The following ST6GALNAC6 variants were observed in gnomAD, a reference collection of about 807,000 sequenced individuals.
ST6GALNAC6 encodes the protein alpha-N-acetylgalactosaminide alpha-2,6-sialyltransferase 6.
ST6GALNAC6 carries 19 observed loss-of-function variants against 34.3 expected under a neutral mutation model. The ratio of observed to expected loss-of-function variants is 0.55; its 90% confidence interval spans 0.39 to 0.81. The LOEUF (loss-of-function observed/expected upper bound fraction) is 0.81, where lower values mean the gene tolerates loss of function less well. ST6GALNAC6 is among the 40% of genes least tolerant of loss of function. ST6GALNAC6 has a pLI of 0.00. For missense variants in ST6GALNAC6, 377 were observed against 467.7 expected (o/e 0.81, Z 1.79); for synonymous variants, 185 against 182.1 (o/e 1.02, Z -0.13).
At chr9:127,905,146 A>C (rs1830885364) in intron 1 of ST6GALNAC6, 14 of 916,904 alleles carry the variant, frequency 1.5e-5, no homozygotes, top group Non-Finnish European at 1.8e-5. Flanking sequence ...AGAGGCCCAA[A>C]GAGTGGCTGC....
rs1829708725 is a variant in ST6GALNAC6 at position 127,885,569 on chromosome 9, G to C, written c.*1030C>G. 1 of 152,336 alleles carries C rather than the reference G, an allele frequency of 6.6e-6. No homozygotes were observed. Among genetic ancestry groups the C allele is most frequent in the Admixed American group, 6.5e-5 (1 of 15,278 alleles). 9.4% of individuals were successfully genotyped at this position (152,336 alleles called of 1,614,324 possible). On this transcript the variant is annotated 3_prime_UTR_variant, in exon 7 of 7. Coordinates refer to ENST00000373146, the MANE Select transcript of ST6GALNAC6 (RefSeq NM_013443.5). ...TACAGAGCCAGGGGACAGAACCCAG[G>C]TGATACAGCTCCCGACAGCCATCCC...
At chr9:127,899,821 C>A (rs73606473), upstream of ST6GALNAC6, among the ~76,000 whole-genome samples, 4,393 of 152,308 alleles carry the variant, frequency 0.029, 233 homozygotes, top group African/African-American at 0.1. Flanking sequence ...AGCCTTTCGG[C>A]TCCCTGCAGT....
At position 127,890,889 on chromosome 9, in the gene ST6GALNAC6, G is replaced by A; in HGVS notation, c.452C>T (p.Thr151Ile). The A allele has an allele frequency of 1.2e-6, 2 of 1,614,188 alleles. No homozygotes were observed. Among genetic ancestry groups the A allele is most frequent in the East Asian group, 2.2e-5 (1 of 44,882 alleles). Residue 151 changes from threonine (T) to isoleucine (I), a missense_variant, in exon 5 of 7, where the codon ACC (threonine) becomes ATC (isoleucine). Coordinates refer to ENST00000373146, the MANE Select transcript of ST6GALNAC6 (RefSeq NM_013443.5). The surrounding 1 kb of genome is among the most constrained non-coding windows in gnomAD (Gnocchi z 4.3). ...GGAATGGGCCACGACGCGGTAGGTGGTCTTGTTGCCCACATCAGCTGAGTA... is the reference window on the plus strand; with the variant it reads ...GGAATGGGCCACGACGCGGTAGGTGATCTTGTTGCCCACATCAGCTGAGTA... ...TGYSADVGNKTTYRVVAHSSV... is the reference protein window; with the variant it reads ...TGYSADVGNKITYRVVAHSSV...
upstream of ST6GALNAC6, among the ~76,000 whole-genome samples, chr9:127,900,638 T>C (rs987387739): frequency 2.4e-4 from 35 of 145,718 alleles, no homozygotes; most frequent in African/African-American, 3.6e-4. Flanking sequence ...AGGATATTTA[T>C]AGGATATTTA....
At chr9:127,901,481 C>T (rs2131596369), upstream of ST6GALNAC6, among the ~76,000 whole-genome samples, 1 of 152,052 alleles carries the variant, frequency 6.6e-6, no homozygotes, top group East Asian at 1.9e-4. Context: ...TTGGAACACG[C>T]TACTTAATCC....
chr9:127,887,434 G>A lies in ST6GALNAC6; in HGVS notation c.812+50C>T, dbSNP rs775660716. 1.1e-5 allele frequency: 17 copies of A among 1,498,558 alleles called. 1 individual carries two copies. In the South Asian group the frequency reaches 1.4e-4, roughly 12 times the overall value. 92.8% of individuals were successfully genotyped at this position (1,498,558 alleles called of 1,614,324 possible). On this transcript the variant is annotated intron_variant, in intron 6 of 6. Coordinates refer to ENST00000373146, the MANE Select transcript of ST6GALNAC6 (RefSeq NM_013443.5). ...TCCAGCCCCTAGAGCTCCATCCTGC[G>A]GCCAGTGCCTGGGTGTTGTCCTGGG...
At chr9:127,896,132 C>T (rs1002288133) in intron 3 of ST6GALNAC6, 110 bp downstream of exon 3, 26 of 1,293,646 alleles carry the variant, frequency 2.0e-5, no homozygotes, top group African/African-American at 2.9e-5. Flanking sequence ...CAGCTTCTTG[C>T]GGGGAAGAAG....
chr9:127,886,160 C>G lies in ST6GALNAC6; in HGVS notation c.*439G>C, dbSNP rs1250237117. ...CCTCCAGACAGCTTCTACCCCCACA[C>G]AATCTCTCTTTCTGGTGCTGGAAAT... On this transcript the variant is annotated 3_prime_UTR_variant, in exon 7 of 7. Transcript: ENST00000373146. The G allele has an allele frequency of 2.1e-5, 5 of 235,984 alleles. No individual in the cohort carries two copies. Among genetic ancestry groups the G allele is most frequent in the Non-Finnish European group, 4.1e-5 (5 of 122,692 alleles). 14.6% of individuals were successfully genotyped at this position (235,984 alleles called of 1,614,324 possible).
At chr9:127,903,145 C>T (rs959420970), upstream of ST6GALNAC6, 1 of 151,600 alleles carries the variant, frequency 6.6e-6, no homozygotes, top group Non-Finnish European at 1.5e-5. Flanking sequence ...CTACAGGTGC[C>T]TGCCACCATG....
intron 4 of ST6GALNAC6, among the ~76,000 whole-genome samples, chr9:127,893,719 G>C (rs1830281411): frequency 1.3e-5 from 2 of 152,208 alleles, no homozygotes; most frequent in South Asian, 4.1e-4. Context: ...AGGGTTCTTA[G>C]GGTAGAGAAA....
At chr9:127,893,281 G>A (rs1830257201) in intron 4 of ST6GALNAC6, among the ~76,000 whole-genome samples, 2 of 152,192 alleles carry the variant, frequency 1.3e-5, no homozygotes, top group Non-Finnish European at 2.9e-5. Flanking sequence ...CAAAGTCTAT[G>A]TGACCACAGA....
In ST6GALNAC6 at chr9:127,894,519, C is replaced by T; in HGVS notation, c.290G>A (p.Gly97Asp). ...CCAAAGCAGCTGCGCTACCTTGTTG[C>T]CGAGAATGGGGACATAGCCGTCAGT... ...SITDGYVPILGNKTLPSRCHQ... is the reference protein window; with the variant it reads ...SITDGYVPILDNKTLPSRCHQ... The change falls in exon 4 of 7, where the codon GGC (glycine) becomes GAC (aspartate). Residue 97 changes from glycine (G) to aspartate (D), a missense_variant. Physicochemically the swap from Gly to Asp is moderately conservative, Grantham distance 94. Coordinates refer to ENST00000373146, the MANE Select transcript of ST6GALNAC6 (RefSeq NM_013443.5). The T allele has an allele frequency of 6.2e-7, 1 of 1,613,836 alleles. No homozygotes were observed. Among genetic ancestry groups the T allele is most frequent in the Non-Finnish European group, 8.5e-7 (1 of 1,179,966 alleles).
In ST6GALNAC6 at chr9:127,897,332, G is replaced by C. The variant is rs1174640623; in HGVS notation, c.26+624C>G. 11 of 985,784 alleles carry C rather than the reference G, an allele frequency of 1.1e-5. No individual in the cohort carries two copies. In the African/African-American group the frequency reaches 1.7e-4, roughly 16 times the overall value. 61.1% of individuals were successfully genotyped at this position (985,784 alleles called of 1,614,324 possible). A position where few individuals can be genotyped will look rare whatever the true frequency, so the allele number is the denominator to read the frequency against. ...TCCTCAGCTCCGTCCCCTGCTCCAG[G>C]GGCCTCTCAGTTCCTGTATTCTCTG... is the stretch of plus-strand genomic sequence containing the variant. On this transcript the variant is annotated intron_variant, in intron 2 of 6. Transcript: ENST00000373146.
chr9:127,899,524 C>T lies in ST6GALNAC6; in HGVS notation c.-51G>A, dbSNP rs1396575784. On this transcript the variant is annotated 5_prime_UTR_variant, in exon 1 of 7. Coordinates refer to ENST00000373146, the MANE Select transcript of ST6GALNAC6 (RefSeq NM_013443.5). ...TCACCTCCGGCGGGGAGCGCCCGGC[C>T]CCCCGCGGCCCCCGAGCCCCCTCAC... 4.1e-6 allele frequency: 4 copies of T among 980,730 alleles called. No individual in the cohort carries two copies. The highest frequency in any genetic ancestry group is 4.7e-5 in the South Asian group (1 of 21,418). The allele number at this position is 980,730 out of a possible 1,614,324, so 60.8% of individuals were successfully genotyped here.
intron 3 of ST6GALNAC6, 37 bp from the exon 4 acceptor site, chr9:127,894,728 G>A (rs538972702): frequency 1.6e-5 from 24 of 1,505,854 alleles, no homozygotes; most frequent in Middle Eastern, 3.4e-4. Context: ...CCCAGCTGCC[G>A]GGCAGGCTCA....
At chr9:127,903,069 C>T (rs1830817513), upstream of ST6GALNAC6, 2 of 139,594 alleles carry the variant, frequency 1.4e-5, no homozygotes, top group Non-Finnish European at 3.0e-5. Flanking sequence ...ACGATCTCGG[C>T]TCACTGCAAG....
chr9:127,905,414 C>A (rs904771533), upstream of ST6GALNAC6: 1 of 985,554 alleles, frequency 1.0e-6, no homozygotes, highest in Non-Finnish European at 1.2e-6. Context: ...GTAAATACCC[C>A]ACCCGAGGGT....
At chr9:127,905,783 G>A (rs1475696494), upstream of ST6GALNAC6, among the ~76,000 whole-genome samples, 1 of 152,206 alleles carries the variant, frequency 6.6e-6, no homozygotes, top group East Asian at 1.9e-4. Flanking sequence ...TTTTACAAAT[G>A]ACAAAACAGG....
chr9:127,897,920 T>G (rs1479745761), intron 2 of ST6GALNAC6, 36 bp downstream of exon 2: 3 of 1,613,468 alleles, frequency 1.9e-6, no homozygotes, highest in Middle Eastern at 1.6e-4. Context: ...GTACAGCATG[T>G]CAGCTGCCAG....
Sources: allele counts gnomAD v4.1 joint callset (sites outside exome capture counted in the v4.1 genomes callset), GRCh38; gene constraint gnomAD v4.1.1; non-coding constraint Gnocchi (gnomAD v3.1); transcripts MANE v1.5; gene names NCBI Gene and HGNC (gene_info 2026-07-23, HGNC 2026-07-21).